The following ZNF410 variants were observed in gnomAD, a reference collection of about 807,000 sequenced individuals.
The protein encoded by ZNF410 is zinc finger protein 410.
ZNF410 carries 18 observed loss-of-function variants against 54.8 expected under a neutral mutation model. The ratio of observed to expected loss-of-function variants is 0.33; its 90% CI spans 0.23 to 0.49. The LOEUF is 0.49. Ranked by LOEUF, ZNF410 falls within the 20% of genes least tolerant of loss-of-function variation. ZNF410 has a pLI of 0.99. For missense variants in ZNF410, 405 were observed against 569.6 expected (o/e 0.71, Z 2.94); for synonymous variants, 191 against 207.3 (o/e 0.92, Z 0.68).
At chr14:73,899,448 T>G (rs891890971) in intron 5 of ZNF410, among the ~76,000 whole-genome samples, 1 of 152,164 alleles carries the variant, frequency 6.6e-6, no homozygotes, top group Non-Finnish European at 1.5e-5. Flanking sequence ...TAGTTCTGTT[T>G]ATGACTACCA....
intron 1 of ZNF410, 49 bp downstream of exon 1, chr14:73,886,964 CGA>C (rs1275723710): frequency 6.5e-6 from 1 of 152,672 alleles, no homozygotes; most frequent in Non-Finnish European, 1.5e-5. Context: ...AGGTAGTACC[CGA>C]GAGGGCGGGG....
intron 8 of ZNF410, among the ~76,000 whole-genome samples, chr14:73,911,285 C>A (rs1009068214): frequency 3.3e-5 from 5 of 152,034 alleles, no homozygotes; most frequent in African/African-American, 9.7e-5. Context: ...GAGAGGGATT[C>A]TAGAATGGAA....
Position 73,931,814 on chromosome 14 carries a change from A to G in ZNF410, c.*273A>G. On this transcript the variant is annotated 3_prime_UTR_variant, in exon 12 of 12. Transcript: ENST00000555044. ...CACTGCAAATTTCTGGGATAGACCA[A>G]AAGTGAATTTGATTATGTGTTGGCT... 2.1e-6 allele frequency: 1 copy of G among 473,716 alleles called. No individual in the cohort carries two copies. Among genetic ancestry groups the G allele is most frequent in the Non-Finnish European group, 4.0e-6 (1 of 252,816 alleles). 29.3% of individuals were successfully genotyped at this position (473,716 alleles called of 1,614,324 possible). A position where few individuals can be genotyped will look rare whatever the true frequency, so the allele number is the denominator to read the frequency against.
chr14:73,897,178 C>T (rs145567642), intron 4 of ZNF410, among the ~76,000 whole-genome samples: 164 of 152,156 alleles, frequency 1.1e-3, no homozygotes, highest in African/African-American at 3.8e-3. Context: ...TGTCTGGTGA[C>T]CCTAGCAAGA....
intron 11 of ZNF410, chr14:73,927,924 A>C (rs902239921): frequency 3.7e-5 from 6 of 164,152 alleles, no homozygotes; most frequent in African/African-American, 1.5e-4. Context: ...TGCAACCTCT[A>C]CCTCCTGGGT....
rs1194065964 is a variant in ZNF410, at chr14:73,932,419, A to G, written c.*878A>G. The G allele has an allele frequency of 2.2e-6, 1 of 452,646 alleles. No homozygotes were observed. 28.0% of individuals were successfully genotyped at this position (452,646 alleles called of 1,614,324 possible). The stretch of plus-strand genomic sequence containing the variant: ...CCGAGGAGTCTTAGGAAACAACAAG[A>G]ACATCTTCATTTCTTAAGCCCAGGT... On this transcript the variant is annotated 3_prime_UTR_variant, in exon 12 of 12. Coordinates refer to ENST00000555044, the MANE Select transcript of ZNF410 (RefSeq NM_021188.3).
rs1395126941 is a variant in ZNF410 at position 73,909,487 on chromosome 14, G to C, written c.1003+57G>C. 3.5e-6 allele frequency: 5 copies of C among 1,411,030 alleles called. No homozygotes were observed. In the East Asian group the frequency reaches 6.8e-5, roughly 19 times the overall value. The allele number at this position is 1,411,030 out of a possible 1,614,324, so 87.4% of individuals were successfully genotyped here. A position where few individuals can be genotyped will look rare whatever the true frequency, so the allele number is the denominator to read the frequency against. ...GGAAAAGTAGACAAAAGAATAAAAG[G>C]GTTGTGGGGGTGATATAAAGACAAC... On this transcript the variant is annotated intron_variant, in intron 8 of 11. Transcript: ENST00000555044.
rs780771756 is a variant in ZNF410 at position 73,905,966 on chromosome 14, C to CACAT, written c.913+885_913+888dup. Among the ~76,000 whole-genome samples, 107 of 66,594 alleles carry CACAT rather than the reference C, an allele frequency of 1.6e-3. 1 individual carries two copies. The highest frequency in any genetic ancestry group is 6.3e-3 in the African/African-American group (102 of 16,294). The allele number at this position is 66,594 out of a possible 152,430, so 43.7% of individuals were successfully genotyped here. ...ATATACACACACACACACACACACA[C>CACAT]ACATATATATATATATATATATATA... is the stretch of plus-strand genomic sequence containing the variant. On this transcript the variant is annotated intron_variant, in intron 7 of 11. Coordinates refer to ENST00000555044, the MANE Select transcript of ZNF410 (RefSeq NM_021188.3).
chr14:73,900,705 T>C (rs778706201), intron 5 of ZNF410, among the ~76,000 whole-genome samples: 47 of 152,194 alleles, frequency 3.1e-4, no homozygotes, highest in Non-Finnish European at 4.6e-4. Context: ...ATATGAAATA[T>C]ATCAATATTG....
At chr14:73,909,562 A>C in intron 8 of ZNF410, 132 bp downstream of exon 8, 1 of 653,966 alleles carries the variant, frequency 1.5e-6, no homozygotes, top group Non-Finnish European at 2.6e-6. Context: ...TCTCATCATC[A>C]TGACAGAATC....
At chr14:73,931,387 T>C in intron 11 of ZNF410, 116 bp from the exon 12 acceptor site, 1 of 852,174 alleles carries the variant, frequency 1.2e-6, no homozygotes, top group Non-Finnish European at 1.8e-6. Context: ...GTAGATAGCC[T>C]TCATTCACCC....
chr14:73,913,439 C>G (rs1275970415), intron 8 of ZNF410: 1 of 152,302 alleles, frequency 6.6e-6, no homozygotes, highest in Non-Finnish European at 1.5e-5. Context: ...TACTGTTACT[C>G]CTTTCCCTGG....
In ZNF410 at chr14:73,923,388, T is replaced by C. The variant is rs2055782245; in HGVS notation, c.1271-7T>C. ...TTTCATTGAAACATTTTTCTGTTGC[T>C]TCACAGAGGTGCTTGCTGAAGGATC... is the stretch of plus-strand genomic sequence containing the variant. On this transcript the variant is annotated splice_polypyrimidine_tract_variant and splice_region_variant and intron_variant, in intron 10 of 11. Coordinates refer to ENST00000555044, the MANE Select transcript of ZNF410 (RefSeq NM_021188.3). The C allele has an allele frequency of 6.2e-7, 1 of 1,609,846 alleles. No individual in the cohort carries two copies. Among genetic ancestry groups the C allele is most frequent in the African/African-American group, 1.3e-5 (1 of 74,744 alleles).
chr14:73,924,468 CTG>C (rs2055799037), intron 11 of ZNF410, among the ~76,000 whole-genome samples: 2 of 152,284 alleles, frequency 1.3e-5, no homozygotes, highest in African/African-American at 2.4e-5. Context: ...ACTTTCAACT[CTG>C]TAGTTTGGCT....
chr14:73,894,277 C>G (rs2055276312), intron 3 of ZNF410: 10 of 694,436 alleles, frequency 1.4e-5, no homozygotes, highest in Non-Finnish European at 2.6e-5. Flanking sequence ...GGCATGAAAC[C>G]CAGGAGAAAT....
intron 8 of ZNF410, 178 bp downstream of exon 8, chr14:73,909,608 G>GGC (rs758222483): frequency 2.7e-5 from 9 of 329,328 alleles, no homozygotes; most frequent in African/African-American, 1.7e-4. Flanking sequence ...AATCAAGGTT[G>GGC]GGGGGGGGAC....
chr14:73,911,565 G>T (rs1047801459), intron 8 of ZNF410, among the ~76,000 whole-genome samples: 1 of 152,126 alleles, frequency 6.6e-6, no homozygotes, highest in Admixed American at 6.6e-5. Flanking sequence ...TGTTTTGCTT[G>T]GATTGTAGAG....
chr14:73,922,027 T>G (rs770355633), intron 9 of ZNF410, 39 bp from the exon 10 acceptor site: 1 of 1,609,030 alleles, frequency 6.2e-7, no homozygotes, highest in African/African-American at 1.3e-5. Flanking sequence ...GGCACAGCCT[T>G]GATTGCTGTA....
chr14:73,901,179 C>T (rs1041502249), intron 5 of ZNF410, among the ~76,000 whole-genome samples: 3 of 152,206 alleles, frequency 2.0e-5, no homozygotes, highest in African/African-American at 7.2e-5. Flanking sequence ...AAATCCCCAC[C>T]TGTTTTTATA....
Sources: gnomAD v4.1 joint callset for allele counts (sites outside exome capture counted in the v4.1 genomes callset) on GRCh38, gnomAD v4.1.1 for gene constraint, MANE v1.5 for transcripts, NCBI Gene and HGNC (gene_info 2026-07-23, HGNC 2026-07-21) for gene names.